Variants in SH3RF1 observed in about 807,000 individuals in gnomAD.
The protein encoded by SH3RF1 is SH3 domain containing ring finger 1, also known as E3 ubiquitin-protein ligase SH3RF1.
In SH3RF1, 32 loss-of-function variants were observed where a neutral mutation model predicts 74.0. That is an observed-to-expected ratio of 0.43 (90% CI 0.33 to 0.58). The LOEUF (loss-of-function observed/expected upper bound fraction) is 0.58. SH3RF1 is among the 20% of genes least tolerant of loss of function. The pLI, the probability that SH3RF1 is intolerant of heterozygous loss-of-function variation, is 0.05. For missense variants in SH3RF1, 954 were observed against 1,130.9 expected (o/e 0.84, Z 2.24); for synonymous variants, 396 against 439.6 (o/e 0.90, Z 1.24).
At position 169,096,611 on chromosome 4, in the gene SH3RF1, G is replaced by A. The variant is rs990989987; in HGVS notation, c.2575C>T (p.His859Tyr). The part of the protein sequence containing the change: ...ELKEGDIVFV[H>Y]KKREDGWFKG... ...AACCAGCCATCCTCTCGTTTTTTAT[G>A]AACAAACACAATATCTCCTTCTTTA... The change falls in exon 12 of 12, where the codon CAT becomes TAT. Residue 859 changes from histidine (H) to tyrosine (Y), a missense_variant. Transcript: ENST00000284637. The A allele has an allele frequency of 1.2e-6, 2 of 1,613,918 alleles. No individual in the cohort carries two copies. The highest frequency in any genetic ancestry group is 1.7e-6 in the Non-Finnish European group (2 of 1,179,998).
At position 169,268,808 on chromosome 4, in the gene SH3RF1, T is replaced by C. The variant is rs78807778; in HGVS notation, c.393+12A>G. On this transcript the variant is annotated intron_variant, in intron 2 of 11. Coordinates refer to ENST00000284637, the MANE Select transcript of SH3RF1 (RefSeq NM_020870.4). ...ACCTTTATTCACCAAACTACCTCTGTAGGCTACTTACCCTCACTGGGGGGC... is the reference window on the plus strand; with the variant it reads ...ACCTTTATTCACCAAACTACCTCTGCAGGCTACTTACCCTCACTGGGGGGC... The C allele has an allele frequency of 6.6e-3, 10,229 of 1,559,558 alleles. 36 individuals are homozygous for C. Among genetic ancestry groups the C allele is most frequent in the Non-Finnish European group, 7.8e-3 (9,034 of 1,156,670 alleles).
Position 169,096,618 on chromosome 4 carries a change from C to G in SH3RF1, c.2568G>C (p.Val856=), listed in dbSNP as rs1156247222. The change falls in exon 12 of 12, where the codon GTG becomes GTC. Residue 856 remains valine (V), a synonymous_variant. Transcript: ENST00000284637. ...AELELKEGDI[V]FVHKKREDGW... ...CATCCTCTCGTTTTTTATGAACAAA[C>G]ACAATATCTCCTTCTTTAAGTTCAA... is the stretch of plus-strand genomic sequence containing the variant. 11 of 1,613,990 alleles carry G rather than the reference C, an allele frequency of 6.8e-6. No individual in the cohort carries two copies. The highest frequency in any genetic ancestry group is 9.3e-6 in the Non-Finnish European group (11 of 1,179,996).
chr4:169,245,523 G>A (rs1730981051), intron 2 of SH3RF1, among the ~76,000 whole-genome samples: 1 of 152,084 alleles, frequency 6.6e-6, no homozygotes, highest in Admixed American at 6.6e-5. Context: ...ACCAGGGGTA[G>A]CAAAAACAGT....
At chr4:169,187,687 A>C (rs1734632020) in intron 2 of SH3RF1, among the ~76,000 whole-genome samples, 1 of 152,182 alleles carries the variant, frequency 6.6e-6, no homozygotes, top group African/African-American at 2.4e-5. Flanking sequence ...CAATCTATAA[A>C]TTAGTTCAGC....
chr4:169,239,580 A>C lies in SH3RF1; in HGVS notation c.393+29240T>G, dbSNP rs376754305. On this transcript the variant is annotated intron_variant, in intron 2 of 11. Coordinates refer to ENST00000284637, the MANE Select transcript of SH3RF1 (RefSeq NM_020870.4). ...AAAGGCATCACGTTAAGGTTTCAAA[A>C]ATTTAACCATTCTACCTTTAGCAAT... 2.8e-3 allele frequency among the ~76,000 whole-genome samples: 421 copies of C among 152,316 alleles called. 2 individuals are homozygous for C. The highest frequency in any genetic ancestry group is 9.6e-3 in the African/African-American group (398 of 41,572).
intron 2 of SH3RF1, among the ~76,000 whole-genome samples, chr4:169,168,461 A>T (rs1734279763): frequency 6.6e-6 from 1 of 152,240 alleles, no homozygotes; most frequent in Admixed American, 6.5e-5. Context: ...GTGTTGGAAA[A>T]TATTGACAGA....
In SH3RF1 at chr4:169,094,609, C is replaced by T. The variant is rs1732881428; in HGVS notation, c.*1910G>A. 6.6e-6 allele frequency: 1 copy of T among 151,950 alleles called. No homozygotes were observed. Among genetic ancestry groups the T allele is most frequent in the African/African-American group, 2.4e-5 (1 of 41,320 alleles). The allele number at this position is 151,950 out of a possible 1,614,324, so 9.4% of individuals were successfully genotyped here. On this transcript the variant is annotated 3_prime_UTR_variant, in exon 12 of 12. Coordinates refer to ENST00000284637, the MANE Select transcript of SH3RF1 (RefSeq NM_020870.4). ...AATTTTTATAAAATACACTAATTTC[C>T]CAAAATAAAGAATATTATGACACAT...
chr4:169,234,913 A>G (rs1730803573), intron 2 of SH3RF1, among the ~76,000 whole-genome samples: 1 of 152,220 alleles, frequency 6.6e-6, no homozygotes, highest in South Asian at 2.1e-4. Flanking sequence ...AGATGCCAGT[A>G]GCAACCCCCT....
intron 2 of SH3RF1, among the ~76,000 whole-genome samples, chr4:169,158,839 T>TA (rs1226894336): frequency 1.3e-5 from 2 of 152,224 alleles, no homozygotes; most frequent in Non-Finnish European, 2.9e-5. Context: ...CTTAGAGACT[T>TA]AGAGTCTGGA....
intron 2 of SH3RF1, chr4:169,220,114 C>T (rs1006571139): frequency 2.6e-5 from 4 of 152,058 alleles, no homozygotes; most frequent in Non-Finnish European, 5.9e-5. Flanking sequence ...ACCAACATGC[C>T]TCATTTTTCA....
chr4:169,114,511 G>A (rs1279260540), intron 10 of SH3RF1, among the ~76,000 whole-genome samples: 1 of 151,106 alleles, frequency 6.6e-6, no homozygotes, highest in African/African-American at 2.5e-5. Context: ...CATCCTTGGG[G>A]AGTCACTATT....
intron 10 of SH3RF1, among the ~76,000 whole-genome samples, chr4:169,112,793 G>C (rs926453083): frequency 6.6e-6 from 1 of 152,214 alleles, no homozygotes; most frequent in African/African-American, 2.4e-5. Context: ...TTTTGTAAGA[G>C]CTCTTTTAAA....
At chr4:169,200,799 G>A (rs186607900) in intron 2 of SH3RF1, among the ~76,000 whole-genome samples, 1 of 152,262 alleles carries the variant, frequency 6.6e-6, no homozygotes, top group African/African-American at 2.4e-5. Flanking sequence ...GTAGTCTGGT[G>A]AGACAGGTAT....
rs148085534 is a variant in SH3RF1, at chr4:169,201,272, T to C, written c.394-44593A>G. Among the ~76,000 whole-genome samples, 383 of 152,294 alleles carry C rather than the reference T, an allele frequency of 2.5e-3. 2 individuals carry two copies. The highest frequency in any genetic ancestry group is 8.9e-3 in the African/African-American group (369 of 41,562). ...CTACTGCCAGAGCTGGCTTTAACAATTGACGAATACTTATTCTGCAGGGAA... is the reference window on the plus strand; with the variant it reads ...CTACTGCCAGAGCTGGCTTTAACAACTGACGAATACTTATTCTGCAGGGAA... On this transcript the variant is annotated intron_variant, in intron 2 of 11. Coordinates refer to ENST00000284637, the MANE Select transcript of SH3RF1 (RefSeq NM_020870.4).
intron 2 of SH3RF1, among the ~76,000 whole-genome samples, chr4:169,176,349 C>G (rs549512340): frequency 6.6e-6 from 1 of 152,132 alleles, no homozygotes; most frequent in African/African-American, 2.4e-5. Flanking sequence ...AATGACGGTA[C>G]ATTAGGGCAT....
chr4:169,239,735 G>A (rs1394768468), intron 2 of SH3RF1, among the ~76,000 whole-genome samples: 3 of 152,140 alleles, frequency 2.0e-5, no homozygotes, highest in African/African-American at 7.2e-5. Context: ...AAGTAATTAA[G>A]ATCGGCCGAG....
chr4:169,130,110 C>T lies in SH3RF1; in HGVS notation c.1115G>A (p.Ser372Asn). Residue 372 changes from serine to asparagine, a missense_variant, in exon 6 of 12, where the codon AGC becomes AAC. Physicochemically the swap from Ser to Asn is conservative, Grantham distance 46. Transcript: ENST00000284637. ...TGLIVTPPPS[S>N]PVTTGPSFTF... is the part of the protein sequence containing the mutation. ...AAACGAGGGGCCAGTTGTCACTGGG[C>T]TGCTTGGGGGCGGGGTCACAATTAA... 6.2e-7 allele frequency: 1 copy of T among 1,610,148 alleles called. No individual in the cohort carries two copies. The highest frequency in any genetic ancestry group is 1.3e-5 in the African/African-American group (1 of 74,634).
chr4:169,187,207 C>T (rs979328269), intron 2 of SH3RF1, among the ~76,000 whole-genome samples: 1 of 152,044 alleles, frequency 6.6e-6, no homozygotes, highest in African/African-American at 2.4e-5. Flanking sequence ...TATGTATGTG[C>T]TGACTGATTG....
At chr4:169,192,918 G>A (rs201698754) in intron 2 of SH3RF1, among the ~76,000 whole-genome samples, 2 of 109,312 alleles carry the variant, frequency 1.8e-5, no homozygotes, top group Admixed American at 2.0e-4. Context: ...TCATATATAT[G>A]TGATATATAT....
Sources: gnomAD v4.1 joint callset for allele counts (sites outside exome capture counted in the v4.1 genomes callset) on GRCh38, gnomAD v4.1.1 for gene constraint, MANE v1.5 for transcripts, NCBI Gene and HGNC (gene_info 2026-07-23, HGNC 2026-07-21) for gene names.